The following CCDC141 variants were observed in gnomAD, a reference collection of about 807,000 sequenced individuals.
CCDC141 encodes coiled-coil domain-containing protein 141.
Under a neutral mutation model 181.0 loss-of-function variants are expected in CCDC141, and 168 were observed. The ratio of observed to expected loss-of-function variants is 0.93; its 90% confidence interval spans 0.82 to 1.05. CCDC141 has a LOEUF of 1.05. Ranked by LOEUF, CCDC141 falls within the 50% of genes least tolerant of loss-of-function variation. The probability of loss-of-function intolerance (pLI) is 0.00; values close to 1 mark genes in which losing one functional copy is unlikely to be tolerated. For synonymous variants in CCDC141, 666 were observed against 642.3 expected, an observed-to-expected ratio of 1.04 and a Z score of -0.56; for missense variants, 1,902 against 1,788.5, an observed-to-expected ratio of 1.06 and a Z score of -1.14.
intron 2 of CCDC141, among the ~76,000 whole-genome samples, chr2:179,003,119 A>G (rs2042029381): frequency 6.6e-6 from 1 of 152,218 alleles, no homozygotes; most frequent in Non-Finnish European, 1.5e-5. Context: ...TTTCTAAAAT[A>G]AAATTGAAAA....
intron 6 of CCDC141, among the ~76,000 whole-genome samples, chr2:178,921,259 C>T (rs934670245): frequency 3.9e-5 from 6 of 152,158 alleles, no homozygotes; most frequent in Admixed American, 2.0e-4. Flanking sequence ...CTTTTATTAC[C>T]GTTACCACTT....
At position 178,900,500 on chromosome 2, in the gene CCDC141, TTTTG is replaced by T. The variant is rs375472291; in HGVS notation, c.1265+4825_1265+4828del. 4.5e-3 allele frequency among the ~76,000 whole-genome samples: 679 copies of T among 152,242 alleles called. 7 individuals are homozygous for T. Among genetic ancestry groups the T allele is most frequent in the African/African-American group, 0.015 (642 of 41,550 alleles). ...ATGAAGATGTCCATTTCATAGAGTT[TTTTG>T]TTTGTTTGTTTGTTTGTTTTTTGTA... On this transcript the variant is annotated intron_variant, in intron 8 of 23. Coordinates refer to ENST00000443758, the MANE Select transcript of CCDC141 (RefSeq NM_173648.4).
chr2:178,905,499 T>C lies in CCDC141; in HGVS notation c.1095A>G (p.Ala365=), dbSNP rs1192844089. The C allele has an allele frequency of 6.5e-7, 1 of 1,542,386 alleles. No homozygotes were observed. The highest frequency in any genetic ancestry group is 8.7e-7 in the Non-Finnish European group (1 of 1,144,516). ...CTTCAACTCTTCCAAGTACATCAAA[T>C]GCCTGCCAAAGAAAACATACTTTTA... ...ANEFFNSANK[A]FDVLGRVEAY... Residue 365 remains alanine (A), a splice_region_variant and synonymous_variant, in exon 8 of 24, where the codon GCA becomes GCG. Transcript: ENST00000443758.
rs1255509633 is a variant in CCDC141, at chr2:178,833,717, G to C, written c.*456C>G. ...TCAAGACATGGAAAGCAAAATTAAAGGACAGCTAATGCAAAAATACAACAT... is the reference window on the plus strand; with the variant it reads ...TCAAGACATGGAAAGCAAAATTAAACGACAGCTAATGCAAAAATACAACAT... On this transcript the variant is annotated 3_prime_UTR_variant, in exon 24 of 24. Transcript: ENST00000443758. 5 of 156,182 alleles carry C rather than the reference G, an allele frequency of 3.2e-5. No homozygotes were observed. Among genetic ancestry groups the C allele is most frequent in the Admixed American group, 2.5e-4 (4 of 16,230 alleles). The allele number at this position is 156,182 out of a possible 1,614,324, so 9.7% of individuals were successfully genotyped here.
In CCDC141 at chr2:178,915,455, A is replaced by G. The variant is rs1172180528; in HGVS notation, c.1092+3258T>C. On this transcript the variant is annotated intron_variant, in intron 7 of 23. Transcript: ENST00000443758. ...CACTCATTTATATATTGCCCATTAC[A>G]CTAACAAATTTGATACATTAGTATT... Among the ~76,000 whole-genome samples the G allele has an allele frequency of 2.0e-5, 3 of 152,350 alleles. No homozygotes were observed. The East Asian group carries it at 5.8e-4, about 29-fold the overall frequency.
At chr2:178,927,750 T>G (rs184420032) in intron 6 of CCDC141, among the ~76,000 whole-genome samples, 1 of 151,920 alleles carries the variant, frequency 6.6e-6, no homozygotes, top group East Asian at 1.9e-4. Flanking sequence ...AAAAGAGATA[T>G]AAAGTGAATA....
Position 179,015,675 on chromosome 2 carries a change from CATATATATCTCATACATATCTCAT to C in CCDC141, c.225+31585_225+31608del, listed in dbSNP as rs1417598131. 1.1e-3 allele frequency among the ~76,000 whole-genome samples: 148 copies of C among 138,870 alleles called. 1 individual carries two copies. The highest frequency in any genetic ancestry group is 3.5e-3 in the African/African-American group (132 of 37,974). The allele number at this position is 138,870 out of a possible 152,430, so 91.1% of individuals were successfully genotyped here. ...TCATACATATATCTCATACATATCTCATATATATCTCATACATATCTCATATATATATCTCATACATATCTCATA... is the reference window on the plus strand; with the variant it reads ...TCATACATATATCTCATACATATCTCATATATATCTCATACATATCTCATA... On this transcript the variant is annotated intron_variant, in intron 2 of 23. Coordinates refer to ENST00000443758, the MANE Select transcript of CCDC141 (RefSeq NM_173648.4).
At chr2:178,846,921 T>C (rs1684962884) in intron 21 of CCDC141, among the ~76,000 whole-genome samples, 2 of 152,320 alleles carry the variant, frequency 1.3e-5, no homozygotes, top group South Asian at 2.1e-4. Flanking sequence ...CAGGAATTGC[T>C]GAGCCCATTT....
At chr2:178,846,669 A>G (rs2154366721) in intron 21 of CCDC141, among the ~76,000 whole-genome samples, 1 of 152,324 alleles carries the variant, frequency 6.6e-6, no homozygotes, top group East Asian at 1.9e-4. Context: ...TGTGGAAAGA[A>G]TGCTAGATTT....
chr2:178,986,268 A>C lies in CCDC141; in HGVS notation c.226-7593T>G, dbSNP rs1007167566. The stretch of plus-strand genomic sequence containing the variant: ...AAGGCCTTTGACAAAATTCAACAAC[A>C]CTTCATGCTAAAAACTCTCAATAAA... On this transcript the variant is annotated intron_variant, in intron 2 of 23. Coordinates refer to ENST00000443758, the MANE Select transcript of CCDC141 (RefSeq NM_173648.4). Among the ~76,000 whole-genome samples, 9 of 152,160 alleles carry C rather than the reference A, an allele frequency of 5.9e-5. No individual in the cohort carries two copies. The South Asian group carries it at 6.2e-4, about 11-fold the overall frequency.
chr2:179,018,658 C>G (rs141423610), intron 2 of CCDC141, among the ~76,000 whole-genome samples: 20 of 152,248 alleles, frequency 1.3e-4, no homozygotes, highest in African/African-American at 4.8e-4. Context: ...AAAGTAACTC[C>G]TTCCTGTGGG....
chr2:178,963,814 C>T (rs756579981), intron 4 of CCDC141, among the ~76,000 whole-genome samples: 3 of 152,048 alleles, frequency 2.0e-5, no homozygotes, highest in Non-Finnish European at 2.9e-5. Context: ...CTCAGAATGA[C>T]GAGAGTGTGA....
chr2:178,822,759 G>T, the CCDC141 span, among the ~76,000 whole-genome samples: 2 of 152,030 alleles, frequency 1.3e-5, no homozygotes, highest in African/African-American at 4.8e-5. Context: ...ATCTCTAAAT[G>T]GAAATGTTTA....
At chr2:178,890,552 A>G (rs1322696111) in intron 8 of CCDC141, among the ~76,000 whole-genome samples, 1 of 152,094 alleles carries the variant, frequency 6.6e-6, no homozygotes, top group Non-Finnish European at 1.5e-5. Context: ...TCTTGCAGTT[A>G]TCTATAAGTC....
At chr2:178,852,887 A>G (rs1469897467) in intron 20 of CCDC141, among the ~76,000 whole-genome samples, 3 of 152,204 alleles carry the variant, frequency 2.0e-5, no homozygotes, top group Non-Finnish European at 4.4e-5. Flanking sequence ...TAGTCATGGA[A>G]GAGAGGAAAG....
At chr2:178,991,921 G>T (rs1692074668) in intron 2 of CCDC141, among the ~76,000 whole-genome samples, 1 of 151,898 alleles carries the variant, frequency 6.6e-6, no homozygotes, top group South Asian at 2.1e-4. Flanking sequence ...CAAAAACGGG[G>T]ATAAAATGGA....
At chr2:178,891,010 T>A (rs1244430102) in intron 8 of CCDC141, among the ~76,000 whole-genome samples, 1 of 152,278 alleles carries the variant, frequency 6.6e-6, no homozygotes, top group East Asian at 1.9e-4. Flanking sequence ...ACAGGTGACA[T>A]AACTTGCCCT....
intron 11 of CCDC141, among the ~76,000 whole-genome samples, chr2:178,881,904 C>CTA (rs1686628602): frequency 9.7e-6 from 1 of 103,520 alleles, no homozygotes; most frequent in Non-Finnish European, 2.0e-5. Context: ...CTCTCTCTCT[C>CTA]TCTCTCTCTC....
chr2:178,937,816 C>A (rs891439924), intron 6 of CCDC141, among the ~76,000 whole-genome samples: 1 of 151,938 alleles, frequency 6.6e-6, no homozygotes, highest in Non-Finnish European at 1.5e-5. Flanking sequence ...GTATATGTGT[C>A]TAGAATTTAT....
Sources: allele counts gnomAD v4.1 joint callset (sites outside exome capture counted in the v4.1 genomes callset), GRCh38; gene constraint gnomAD v4.1.1; transcripts MANE v1.5; gene names NCBI Gene and HGNC (gene_info 2026-07-23, HGNC 2026-07-21).